Variants in CNTNAP2 observed in about 807,000 individuals in gnomAD.
CNTNAP2 encodes the protein contactin associated protein 2.
A neutral mutation model predicts 155.2 loss-of-function variants in CNTNAP2; 98 were observed. That is an observed-to-expected ratio of 0.63 (90% CI 0.54 to 0.75). CNTNAP2 has a LOEUF of 0.75. Ranked by LOEUF, CNTNAP2 falls within the 30% of genes least tolerant of loss-of-function variation. The pLI is 0.00. For synonymous variants in CNTNAP2, 651 were observed against 631.2 expected, an observed-to-expected ratio of 1.03 and a Z score of -0.47; for missense variants, 1,727 against 1,688.1, an observed-to-expected ratio of 1.02 and a Z score of -0.40.
chr7:146,369,050 T>TATATATATATATAC (rs1286983889), intron 1 of CNTNAP2, among the ~76,000 whole-genome samples: 31 of 139,188 alleles, frequency 2.2e-4, no homozygotes, highest in African/African-American at 4.1e-4. Flanking sequence ...TATATATATA[T>TATATATATATATAC]ACATATATAT....
intron 9 of CNTNAP2, among the ~76,000 whole-genome samples, chr7:147,362,894 A>G (rs1584900136): frequency 6.6e-6 from 1 of 152,016 alleles, no homozygotes; most frequent in African/African-American, 2.4e-5. Flanking sequence ...AATAAAAAAA[A>G]TTAAAAAAAT....
At chr7:146,896,878 CTT>C (rs1487323219) in intron 3 of CNTNAP2, among the ~76,000 whole-genome samples, 1 of 151,656 alleles carries the variant, frequency 6.6e-6, no homozygotes, top group African/African-American at 2.4e-5. Context: ...ATTTATTTAA[CTT>C]ATTAATTAAT....
At chr7:147,987,247 A>G (rs1801634640) in intron 15 of CNTNAP2, among the ~76,000 whole-genome samples, 1 of 152,238 alleles carries the variant, frequency 6.6e-6, no homozygotes, top group Non-Finnish European at 1.5e-5. Context: ...GACTTTAAAC[A>G]ATTAGAAGAA....
intron 3 of CNTNAP2, among the ~76,000 whole-genome samples, chr7:146,983,947 T>C (rs1407300335): frequency 6.6e-6 from 1 of 152,218 alleles, no homozygotes; most frequent in East Asian, 1.9e-4. Context: ...TAATATTCAT[T>C]GTGTTTTACC....
intron 3 of CNTNAP2, among the ~76,000 whole-genome samples, chr7:146,845,701 C>T (rs528998237): frequency 9.0e-4 from 137 of 152,206 alleles, no homozygotes; most frequent in Admixed American, 1.8e-3. Flanking sequence ...GGAAATGTTA[C>T]TTAAAGTTGG....
At chr7:146,867,622 G>A (rs761813911) in intron 3 of CNTNAP2, among the ~76,000 whole-genome samples, 4 of 152,020 alleles carry the variant, frequency 2.6e-5, no homozygotes, top group East Asian at 1.9e-4. Flanking sequence ...GGTTGAACTA[G>A]TTTACACCCA....
intron 1 of CNTNAP2, among the ~76,000 whole-genome samples, chr7:146,719,520 C>G (rs75677989): frequency 0.013 from 2,022 of 152,236 alleles, 51 homozygotes; most frequent in African/African-American, 0.047. Context: ...ATATAACAGA[C>G]AAACCACTTC....
At chr7:147,114,792 G>A (rs1342462042) in intron 5 of CNTNAP2, among the ~76,000 whole-genome samples, 1 of 152,090 alleles carries the variant, frequency 6.6e-6, no homozygotes, top group Non-Finnish European at 1.5e-5. Flanking sequence ...TTTAACTGGG[G>A]CATTTAACCC....
chr7:147,471,903 A>G (rs1199761493), intron 10 of CNTNAP2, among the ~76,000 whole-genome samples: 1 of 152,242 alleles, frequency 6.6e-6, no homozygotes, highest in Non-Finnish European at 1.5e-5. Context: ...GATTGGGAAG[A>G]CAGAGGAGAA....
rs991775284 is a variant in CNTNAP2 at position 146,944,359 on chromosome 7, A to C, written c.403-99548A>C. Among the ~76,000 whole-genome samples the C allele has an allele frequency of 2.0e-5, 3 of 152,182 alleles. No homozygotes were observed. The East Asian group carries it at 5.8e-4, about 29-fold the overall frequency. ...CAACTGTAGATTTTTTTAATTTTAC[A>C]GTTATCAAGCACATTTATTATGTGT... On this transcript the variant is annotated intron_variant, in intron 3 of 23. Coordinates refer to ENST00000361727, the MANE Select transcript of CNTNAP2 (RefSeq NM_014141.6).
intron 9 of CNTNAP2, among the ~76,000 whole-genome samples, chr7:147,361,712 CTGTT>C (rs1017800306): frequency 7.2e-5 from 11 of 151,848 alleles, no homozygotes; most frequent in African/African-American, 2.4e-4. Context: ...AGAATTTTGT[CTGTT>C]TTTTTTAACT....
At position 146,774,353 on chromosome 7, in the gene CNTNAP2, C is replaced by T. The variant is rs753396304; in HGVS notation, c.180C>T (p.Pro60=). The stretch of plus-strand genomic sequence containing the variant: ...CCTCCATCTCTGGTAGCTATTCTCC[C>T]GGCTATGCCAAGATAAACAAGAGAG... The part of the protein sequence containing the change: ...SSSSISGSYS[P]GYAKINKRGG... Residue 60 remains proline (P), a synonymous_variant, in exon 2 of 24, where the codon CCC becomes CCT. Transcript: ENST00000361727. 2.2e-5 allele frequency: 36 copies of T among 1,613,752 alleles called. No homozygotes were observed. The highest frequency in any genetic ancestry group is 4.5e-5 in the East Asian group (2 of 44,872).
Position 148,415,677 on chromosome 7 carries a change from C to CAAAAGCACCCTGCTTCA in CNTNAP2, c.*62_*78dup. ...AATTACTAGGGAGGAGAGAAAGGGA[C>CAAAAGCACCCTGCTTCA]AAAAGCACCCTGCTTCATACTCTTG... On this transcript the variant is annotated 3_prime_UTR_variant, in exon 24 of 24. Transcript: ENST00000361727. 1 of 1,583,022 alleles carries CAAAAGCACCCTGCTTCA rather than the reference C, an allele frequency of 6.3e-7. No homozygotes were observed. Among genetic ancestry groups the CAAAAGCACCCTGCTTCA allele is most frequent in the South Asian group, 1.1e-5 (1 of 89,972 alleles).
chr7:147,701,840 A>G (rs1796239489), intron 13 of CNTNAP2, among the ~76,000 whole-genome samples: 1 of 152,290 alleles, frequency 6.6e-6, no homozygotes, highest in African/African-American at 2.4e-5. Flanking sequence ...TCCTCAAACT[A>G]AAATCTTTTG....
chr7:146,878,014 G>A (rs1028985911), intron 3 of CNTNAP2, among the ~76,000 whole-genome samples: 12 of 152,106 alleles, frequency 7.9e-5, no homozygotes, highest in Non-Finnish European at 1.5e-5. Flanking sequence ...AGAGGATTCA[G>A]AACTTGTATT....
intron 8 of CNTNAP2, among the ~76,000 whole-genome samples, chr7:147,167,764 T>G (rs1218581414): frequency 1.3e-5 from 2 of 152,036 alleles, no homozygotes. Context: ...AATACCTTCA[T>G]TGTTTGGACC....
At chr7:147,487,536 C>A (rs1425878791) in intron 11 of CNTNAP2, among the ~76,000 whole-genome samples, 1 of 152,126 alleles carries the variant, frequency 6.6e-6, no homozygotes, top group Admixed American at 6.5e-5. Flanking sequence ...TTTAATTACA[C>A]GGGATCTTGT....
intron 13 of CNTNAP2, among the ~76,000 whole-genome samples, chr7:147,668,621 A>C (rs1204512179): frequency 6.6e-6 from 1 of 152,210 alleles, no homozygotes; most frequent in Non-Finnish European, 1.5e-5. Context: ...TAAAAATAAA[A>C]AATTAAAGAT....
intron 8 of CNTNAP2, among the ~76,000 whole-genome samples, chr7:147,141,344 A>G (rs1182925036): frequency 3.3e-5 from 5 of 152,164 alleles, no homozygotes; most frequent in Admixed American, 6.5e-5. Context: ...AAGAATGTTT[A>G]TCTTCAATTG....
Sources: allele counts gnomAD v4.1 joint callset (sites outside exome capture counted in the v4.1 genomes callset), GRCh38; gene constraint gnomAD v4.1.1; transcripts MANE v1.5; gene names NCBI Gene and HGNC (gene_info 2026-07-23, HGNC 2026-07-21).